Variants in TSPAN11 observed in about 807,000 individuals in gnomAD.
TSPAN11 encodes tetraspanin-11.
Under a neutral mutation model 32.9 loss-of-function variants are expected in TSPAN11, and 29 were observed. That is an observed-to-expected ratio of 0.88 (90% confidence interval 0.66 to 1.20). The LOEUF (loss-of-function observed/expected upper bound fraction) is 1.20. Among genes scored for constraint, TSPAN11 ranks in the 50% most tolerant of loss-of-function variants. The pLI is 0.00. For missense variants in TSPAN11, 283 were observed against 329.1 expected (o/e 0.86, Z 1.08); for synonymous variants, 140 against 141.3 (o/e 0.99, Z 0.07).
chr12:31,008,003 T>C, the TSPAN11 span, among the ~76,000 whole-genome samples: 3 of 152,088 alleles, frequency 2.0e-5, no homozygotes, highest in East Asian at 1.9e-4. Context: ...AGCTACCCAG[T>C]AGGCAGAAGG....
In TSPAN11 at chr12:30,949,165, A is replaced by G. The variant is rs185517772; in HGVS notation, c.-11-4816A>G. On this transcript the variant is annotated intron_variant, in intron 1 of 7. Coordinates refer to ENST00000546076, the MANE Select transcript of TSPAN11 (RefSeq NM_001370302.1). ...CATTTTTGTCAAAGCCATTCAACAA[A>G]TCTCTAGGAAGTTCCAAACTTTCCC... Among the ~76,000 whole-genome samples, 17 of 152,222 alleles carry G rather than the reference A, an allele frequency of 1.1e-4. No homozygotes were observed. The East Asian group carries it at 2.9e-3, about 26-fold the overall frequency.
rs981798684 is a variant in TSPAN11 at position 30,993,119 on chromosome 12, C to CG, written c.*1204_*1205insG. The CG allele has an allele frequency of 6.6e-6, 1 of 152,176 alleles. No homozygotes were observed. Among genetic ancestry groups the CG allele is most frequent in the African/African-American group, 2.4e-5 (1 of 41,426 alleles). The allele number at this position is 152,176 out of a possible 1,614,324, so 9.4% of individuals were successfully genotyped here. On this transcript the variant is annotated 3_prime_UTR_variant, in exon 8 of 8. Coordinates refer to ENST00000546076, the MANE Select transcript of TSPAN11 (RefSeq NM_001370302.1). The stretch of plus-strand genomic sequence containing the variant: ...TTGTACAACACCCATAGGGACCCCC[C>CG]CAAATGGCTATTACAAAGGGGCAGC...
At chr12:30,973,305 C>T (rs11051192) in intron 3 of TSPAN11, among the ~76,000 whole-genome samples, 10,573 of 152,236 alleles carry the variant, frequency 0.069, 499 homozygotes, top group Middle Eastern at 0.1. Context: ...GTACTCATCT[C>T]CAAGCGTGGA....
the TSPAN11 span, among the ~76,000 whole-genome samples, chr12:31,008,993 G>C: frequency 1.3e-5 from 2 of 152,182 alleles, no homozygotes; most frequent in Non-Finnish European, 2.9e-5. Flanking sequence ...TTTCAGCAAT[G>C]CTCTGAGCCA....
chr12:30,972,071 TA>T (rs1338647455), intron 3 of TSPAN11, among the ~76,000 whole-genome samples: 2 of 152,204 alleles, frequency 1.3e-5, no homozygotes, highest in Non-Finnish European at 2.9e-5. Context: ...GGATAGTTTT[TA>T]TGGAGGACTC....
chr12:30,972,920 G>A (rs545920324), intron 3 of TSPAN11, among the ~76,000 whole-genome samples: 1 of 152,086 alleles, frequency 6.6e-6, no homozygotes, highest in South Asian at 2.1e-4. Context: ...CGCCCAGGGA[G>A]GGCTTCCCTG....
Position 30,991,882 on chromosome 12 carries a change from C to T in TSPAN11, c.729C>T (p.Cys243=). The T allele has an allele frequency of 1.2e-6, 2 of 1,614,206 alleles. No individual in the cohort carries two copies. Among genetic ancestry groups the T allele is most frequent in the Non-Finnish European group, 1.7e-6 (2 of 1,180,036 alleles). Residue 243 remains cysteine, a synonymous_variant, in exon 8 of 8, where the codon TGC becomes TGT. Coordinates refer to ENST00000546076, the MANE Select transcript of TSPAN11 (RefSeq NM_001370302.1). ...LQICGMVLTC[C]LHQRLQRHFY ...TCTGCGGGATGGTTCTCACCTGCTG[C>T]TTGCACCAGAGGCTCCAGCGGCATT...
chr12:30,985,237 T>C (rs1939178087), intron 7 of TSPAN11, among the ~76,000 whole-genome samples: 1 of 152,078 alleles, frequency 6.6e-6, no homozygotes, highest in Non-Finnish European at 1.5e-5. Flanking sequence ...TACTCATTTG[T>C]AAAATGGGGC....
chr12:30,982,383 G>C (rs1939108613), intron 5 of TSPAN11, 149 bp from the exon 6 acceptor site: 1 of 1,193,594 alleles, frequency 8.4e-7, no homozygotes, highest in Non-Finnish European at 1.2e-6. Flanking sequence ...TCAAAGCATG[G>C]GAAGGGAAAA....
At chr12:31,002,423 C>T in the TSPAN11 span, among the ~76,000 whole-genome samples, 769 of 152,310 alleles carry the variant, frequency 5.0e-3, 6 homozygotes, top group African/African-American at 0.017. The surrounding 1 kb of genome is among the most constrained non-coding windows in gnomAD (Gnocchi z 4.8). Flanking sequence ...AAGGGGAATT[C>T]TCAGCTGCTC....
the TSPAN11 span, among the ~76,000 whole-genome samples, chr12:31,001,930 T>A: frequency 6.6e-6 from 1 of 152,178 alleles, no homozygotes. Flanking sequence ...TCCACTGCCC[T>A]GTGAGCCACA....
chr12:30,953,632 C>A (rs1380024711), intron 1 of TSPAN11, among the ~76,000 whole-genome samples: 2 of 152,130 alleles, frequency 1.3e-5, no homozygotes, highest in African/African-American at 4.8e-5. Context: ...TGTGTGTGTG[C>A]GTGTAGGACA....
intron 5 of TSPAN11, among the ~76,000 whole-genome samples, chr12:30,981,175 C>T (rs1939083650): frequency 1.3e-5 from 2 of 152,194 alleles, no homozygotes; most frequent in Admixed American, 1.3e-4. Context: ...ACGGCCCTCA[C>T]ACAGGCCAGA....
chr12:31,009,534 T>A, the TSPAN11 span, among the ~76,000 whole-genome samples: 1 of 152,068 alleles, frequency 6.6e-6, no homozygotes, highest in Non-Finnish European at 1.5e-5. Flanking sequence ...GTGTGAGCCA[T>A]GAAGGAGGGA....
At position 30,941,410 on chromosome 12, in the gene TSPAN11, G is replaced by A. The variant is rs139861265; in HGVS notation, c.-11-12571G>A. Among the ~76,000 whole-genome samples the A allele has an allele frequency of 3.2e-3, 494 of 152,308 alleles. 2 individuals are homozygous for A. Among genetic ancestry groups the A allele is most frequent in the Non-Finnish European group, 5.3e-3 (360 of 68,030 alleles). ...GGCACACAAAATACACAGAGCCTTGGGCGATGCAGAAATGGTCCGAAACTA... is the reference window on the plus strand; with the variant it reads ...GGCACACAAAATACACAGAGCCTTGAGCGATGCAGAAATGGTCCGAAACTA... On this transcript the variant is annotated intron_variant, in intron 1 of 7. Transcript: ENST00000546076.
the TSPAN11 span, among the ~76,000 whole-genome samples, chr12:31,014,822 A>G: frequency 3.3e-5 from 5 of 151,892 alleles, no homozygotes; most frequent in Non-Finnish European, 5.9e-5. Flanking sequence ...ATTTTTAGAA[A>G]TTAGAAAATC....
chr12:30,946,943 C>G (rs1565790884), intron 1 of TSPAN11, among the ~76,000 whole-genome samples: 2 of 152,154 alleles, frequency 1.3e-5, no homozygotes, highest in African/African-American at 2.4e-5. Flanking sequence ...CCCTTAGGGA[C>G]ACCTCCTCCC....
At chr12:30,977,919 C>A (rs1939008887) in intron 3 of TSPAN11, among the ~76,000 whole-genome samples, 1 of 152,138 alleles carries the variant, frequency 6.6e-6, no homozygotes, top group South Asian at 2.1e-4. Context: ...AATCACCTTC[C>A]CCTGGACCTC....
In TSPAN11 at chr12:30,964,166, G is replaced by A. The variant is rs576321359; in HGVS notation, c.276+149G>A. 24 of 1,006,050 alleles carry A rather than the reference G, an allele frequency of 2.4e-5. 1 individual carries two copies. In the South Asian group the frequency reaches 4.3e-4, roughly 18 times the overall value. The allele number at this position is 1,006,050 out of a possible 1,614,324, so 62.3% of individuals were successfully genotyped here. A position where few individuals can be genotyped will look rare whatever the true frequency, so the allele number is the denominator to read the frequency against. On this transcript the variant is annotated intron_variant, in intron 3 of 7. Transcript: ENST00000546076. ...AGGGGTGGCTGCTCCTGGGTCTGGGGTTTGCCACGGTCTCCAGGTTCTTAG... is the reference window on the plus strand; with the variant it reads ...AGGGGTGGCTGCTCCTGGGTCTGGGATTTGCCACGGTCTCCAGGTTCTTAG...
Sources: gnomAD v4.1 joint callset for allele counts (sites outside exome capture counted in the v4.1 genomes callset) on GRCh38, gnomAD v4.1.1 for gene constraint, Gnocchi (gnomAD v3.1) non-coding constraint, MANE v1.5 for transcripts, NCBI Gene and HGNC (gene_info 2026-07-23, HGNC 2026-07-21) for gene names.